Variants in ABCC5 observed in about 807,000 individuals in gnomAD.
The protein encoded by ABCC5 is ATP binding cassette subfamily C member 5.
ABCC5 carries 61 observed loss-of-function variants against 160.9 expected under a neutral mutation model. That is an observed-to-expected ratio of 0.38 (90% CI 0.31 to 0.47). The LOEUF is 0.47. Ranked by LOEUF, ABCC5 falls within the 20% of genes least tolerant of loss-of-function variation. The pLI, the probability that ABCC5 is intolerant of heterozygous loss-of-function variation, is 0.99. For synonymous variants in ABCC5, 666 were observed against 700.6 expected, an observed-to-expected ratio of 0.95 and a Z score of 0.78; for missense variants, 1,308 against 1,813.3, an observed-to-expected ratio of 0.72 and a Z score of 5.06.
At chr3:184,015,745 G>A (rs1722140923) in intron 1 of ABCC5, among the ~76,000 whole-genome samples, 1 of 151,436 alleles carries the variant, frequency 6.6e-6, no homozygotes, top group African/African-American at 2.4e-5. Flanking sequence ...AAGAACAGCG[G>A]CTCACCAAGC....
chr3:183,989,078 G>A, intron 3 of ABCC5, 148 bp downstream of exon 3: 1 of 778,388 alleles, frequency 1.3e-6, no homozygotes, highest in Non-Finnish European at 1.9e-6. Flanking sequence ...CTGAGAGGCA[G>A]GAGAATCACT....
intron 8 of ABCC5, 94 bp from the exon 9 acceptor site, chr3:183,978,745 G>A: frequency 7.0e-7 from 1 of 1,422,020 alleles, no homozygotes. Context: ...TAGGTCTCCA[G>A]CCACCCTTCA....
At chr3:184,010,159 T>C (rs989426675) in intron 2 of ABCC5, among the ~76,000 whole-genome samples, 5 of 150,108 alleles carry the variant, frequency 3.3e-5, no homozygotes, top group African/African-American at 1.2e-4. Context: ...ACCTGCTGTT[T>C]AGGAGGCTGA....
intron 8 of ABCC5, among the ~76,000 whole-genome samples, chr3:183,979,933 TG>T (rs1198095532): frequency 6.6e-6 from 1 of 151,990 alleles, no homozygotes; most frequent in African/African-American, 2.4e-5. Context: ...TGGAGTGCAG[TG>T]GTGTGATCTC....
chr3:183,954,293 C>T (rs373794295), intron 17 of ABCC5, among the ~76,000 whole-genome samples: 15 of 152,076 alleles, frequency 9.9e-5, no homozygotes, highest in Admixed American at 7.2e-4. Flanking sequence ...GGATTATAGG[C>T]GCCCGCCACC....
intron 12 of ABCC5, chr3:183,967,266 T>G: frequency 5.1e-6 from 1 of 196,854 alleles, no homozygotes; most frequent in Non-Finnish European, 1.0e-5. Flanking sequence ...TGCTTCTAGA[T>G]CAAACCCTGA....
chr3:183,957,444 C>T (rs1716186464), intron 17 of ABCC5, among the ~76,000 whole-genome samples: 1 of 140,024 alleles, frequency 7.1e-6, no homozygotes, highest in Non-Finnish European at 1.6e-5. Context: ...GTGTATATCA[C>T]ATCTGTTACA....
chr3:183,947,533 T>A (rs1251912230), intron 22 of ABCC5, 23 bp from the exon 23 acceptor site: 1 of 1,564,674 alleles, frequency 6.4e-7, no homozygotes, highest in East Asian at 2.3e-5. Flanking sequence ...CAACACTTAA[T>A]GGGCAAAGAA....
rs928205030 is a variant in ABCC5 at position 183,965,560 on chromosome 3, C to A, written c.1834-59G>T. 7.5e-6 allele frequency: 12 copies of A among 1,597,274 alleles called. No homozygotes were observed. The African/African-American group carries it at 1.2e-4, about 16-fold the overall frequency. On this transcript the variant is annotated intron_variant, in intron 12 of 29. Transcript: ENST00000334444. ...ACTCAAAACCATCACCCTATGCCAA[C>A]GGAACCCCCACCTTCCACAATGGAA...
At chr3:183,990,886 G>A (rs1003013205) in intron 2 of ABCC5, among the ~76,000 whole-genome samples, 24 of 152,120 alleles carry the variant, frequency 1.6e-4, no homozygotes, top group Non-Finnish European at 2.1e-4. Context: ...TAACTCAAAC[G>A]TTTATGCTTT....
intron 24 of ABCC5, among the ~76,000 whole-genome samples, chr3:183,943,364 C>G (rs1410396788): frequency 6.6e-6 from 1 of 152,170 alleles, no homozygotes; most frequent in Non-Finnish European, 1.5e-5. Context: ...CTGATTGGAT[C>G]CTGGCATTCT....
rs369052400 is a variant in ABCC5 at position 183,927,339 on chromosome 3, G to A, written c.4038C>T (p.Arg1346=). 8.9e-5 allele frequency: 143 copies of A among 1,612,710 alleles called. No homozygotes were observed. The highest frequency in any genetic ancestry group is 1.1e-4 in the Non-Finnish European group (132 of 1,179,428). The change falls in exon 28 of 30, where the codon CGC becomes CGT. Residue 1346 remains arginine (R), a synonymous_variant. Transcript: ENST00000334444. ...CCCCAAACTGCCTTACCTTACAGTG[G>A]CGGAGCAGGGCTCTAGCTATGCACA... ...QLLCIARALL[R]HCKILILDEA... is the part of the protein sequence containing the mutation.
Position 183,921,442 on chromosome 3 carries a change from C to T in ABCC5, c.4213-41G>A. On this transcript the variant is annotated intron_variant, in intron 29 of 29. Coordinates refer to ENST00000334444, the MANE Select transcript of ABCC5 (RefSeq NM_005688.4). The surrounding 1 kb of genome is among the most constrained non-coding windows in gnomAD (Gnocchi z 4.1). ...ACGCCGTCAGGACACAGCTCTGGGT[C>T]ATGCAGGGTGATTCAGAGGATCCAC... 6.3e-7 allele frequency: 1 copy of T among 1,585,746 alleles called. No individual in the cohort carries two copies. Among genetic ancestry groups the T allele is most frequent in the Non-Finnish European group, 8.6e-7 (1 of 1,165,956 alleles).
intron 17 of ABCC5, among the ~76,000 whole-genome samples, chr3:183,956,754 G>A (rs1236904499): frequency 5.2e-4 from 15 of 28,962 alleles, no homozygotes; most frequent in Admixed American, 6.6e-4. Context: ...GGTTACATGC[G>A]GATCCGTGTG....
chr3:183,999,517 C>T (rs183897245), intron 2 of ABCC5, among the ~76,000 whole-genome samples: 2 of 152,162 alleles, frequency 1.3e-5, no homozygotes, highest in Admixed American at 1.3e-4. Flanking sequence ...CACTGGCTCA[C>T]ACCTGTAATC....
chr3:184,004,837 C>T (rs1443210446), intron 2 of ABCC5, among the ~76,000 whole-genome samples: 1 of 152,228 alleles, frequency 6.6e-6, no homozygotes, highest in South Asian at 2.1e-4. Flanking sequence ...CAATTATAAG[C>T]ATTTATTGTA....
At chr3:184,009,207 G>C (rs1420636390) in intron 2 of ABCC5, among the ~76,000 whole-genome samples, 2 of 152,114 alleles carry the variant, frequency 1.3e-5, no homozygotes, top group African/African-American at 4.8e-5. Flanking sequence ...AAGGCTAATA[G>C]TGCTGAATGA....
intron 26 of ABCC5, 93 bp from the exon 27 acceptor site, chr3:183,928,918 G>A (rs1207893419): frequency 3.9e-6 from 4 of 1,016,400 alleles, no homozygotes; most frequent in Non-Finnish European, 4.6e-6. Context: ...CACATGCATA[G>A]GGAGAGAAGA....
In ABCC5 at chr3:183,951,406, T is replaced by G; in HGVS notation, c.2944+35A>C. ...CTAGAAGGCTGGAAGCACAGTGAGC[T>G]CCAGAGTATTAAAAAAAGGCTCAGT... On this transcript the variant is annotated intron_variant, in intron 20 of 29. Coordinates refer to ENST00000334444, the MANE Select transcript of ABCC5 (RefSeq NM_005688.4). This position sits in a 1 kb window ranked among gnomAD's most constrained non-coding sequence, Gnocchi z 4.7. 6.2e-7 allele frequency: 1 copy of G among 1,610,900 alleles called. No individual in the cohort carries two copies. Among genetic ancestry groups the G allele is most frequent in the Non-Finnish European group, 8.5e-7 (1 of 1,178,518 alleles).
Sources: gnomAD v4.1 joint callset for allele counts (sites outside exome capture counted in the v4.1 genomes callset) on GRCh38, gnomAD v4.1.1 for gene constraint, Gnocchi (gnomAD v3.1) non-coding constraint, MANE v1.5 for transcripts, NCBI Gene and HGNC (gene_info 2026-07-23, HGNC 2026-07-21) for gene names.